WWOX: variants seen among roughly 807,000 people sequenced by gnomAD.
The protein encoded by WWOX is WW domain-containing oxidoreductase.
WWOX carries 69 observed loss-of-function variants against 46.2 expected under a neutral mutation model. The ratio of observed to expected loss-of-function variants is 1.49; its 90% CI spans 1.23 to 1.82. The LOEUF is 1.82. Ranked by LOEUF, WWOX falls within the 40% of genes most tolerant of loss-of-function variation. The pLI is 0.00. For missense variants in WWOX, 919 were observed against 542.6 expected (o/e 1.69, Z -6.89); for synonymous variants, 359 against 202.6 (o/e 1.77, Z -6.56).
chr16:78,784,937 A>T (rs2050418175), intron 8 of WWOX, among the ~76,000 whole-genome samples: 1 of 152,182 alleles, frequency 6.6e-6, no homozygotes. Flanking sequence ...CGAGGAAGCG[A>T]GGTGTCCCTT....
At chr16:78,669,393 T>G (rs1161921923) in intron 8 of WWOX, among the ~76,000 whole-genome samples, 1 of 152,204 alleles carries the variant, frequency 6.6e-6, no homozygotes, top group African/African-American at 2.4e-5. Flanking sequence ...AGGGGCAGCA[T>G]TGCTCCCCAG....
chr16:78,634,612 A>G (rs1015901252), intron 8 of WWOX, among the ~76,000 whole-genome samples: 1 of 151,906 alleles, frequency 6.6e-6, no homozygotes, highest in African/African-American at 2.4e-5. Context: ...AAGTTGAGGC[A>G]GGAGAATCAT....
chr16:79,108,304 C>A (rs1291411169), intron 8 of WWOX, among the ~76,000 whole-genome samples: 2 of 152,348 alleles, frequency 1.3e-5, no homozygotes, highest in African/African-American at 4.8e-5. Flanking sequence ...TTGACACACA[C>A]ATCAGTGTAT....
At chr16:78,842,361 G>T (rs1172066320) in intron 8 of WWOX, among the ~76,000 whole-genome samples, 1 of 151,904 alleles carries the variant, frequency 6.6e-6, no homozygotes, top group African/African-American at 2.4e-5. Flanking sequence ...AAATTAGCTG[G>T]GCTTGGTGGT....
intron 8 of WWOX, among the ~76,000 whole-genome samples, chr16:78,539,691 A>G (rs866571987): frequency 6.6e-6 from 1 of 152,156 alleles, no homozygotes; most frequent in African/African-American, 2.4e-5. Context: ...AAATTTCTGC[A>G]CCTTGCCAGA....
chr16:78,611,917 G>C (rs1051064723), intron 8 of WWOX, among the ~76,000 whole-genome samples: 2 of 152,168 alleles, frequency 1.3e-5, no homozygotes, highest in African/African-American at 4.8e-5. Flanking sequence ...ATGTATACAA[G>C]CCAGAAGCCA....
chr16:78,972,108 C>G (rs1249252961), intron 8 of WWOX, among the ~76,000 whole-genome samples: 3 of 152,198 alleles, frequency 2.0e-5, no homozygotes, highest in Non-Finnish European at 2.9e-5. Context: ...CAGGAAAGAG[C>G]AGGCTGTCGT....
intron 8 of WWOX, among the ~76,000 whole-genome samples, chr16:79,164,651 C>T (rs1022253549): frequency 6.6e-6 from 1 of 152,178 alleles, no homozygotes; most frequent in African/African-American, 2.4e-5. Context: ...AAAGTTCCCA[C>T]TTTATTAAAA....
At chr16:78,205,602 C>T (rs1042862269) in intron 5 of WWOX, among the ~76,000 whole-genome samples, 1 of 151,930 alleles carries the variant, frequency 6.6e-6, no homozygotes, top group East Asian at 1.9e-4. Flanking sequence ...CCCATCCATA[C>T]ACACTTCCAT....
chr16:78,716,752 C>G (rs940634561), intron 8 of WWOX, among the ~76,000 whole-genome samples: 1 of 152,080 alleles, frequency 6.6e-6, no homozygotes, highest in South Asian at 2.1e-4. Flanking sequence ...CGTCTCTATT[C>G]GAATTGCAGG....
chr16:78,925,436 T>C (rs2045476442), intron 8 of WWOX, among the ~76,000 whole-genome samples: 1 of 152,158 alleles, frequency 6.6e-6, no homozygotes, highest in Non-Finnish European at 1.5e-5. Context: ...ATGGAATAAT[T>C]ACCTTCCTTG....
intron 8 of WWOX, among the ~76,000 whole-genome samples, chr16:78,663,768 C>G (rs376296432): frequency 2.0e-5 from 3 of 152,122 alleles, no homozygotes; most frequent in East Asian, 3.9e-4. Flanking sequence ...GACATTTGAA[C>G]TACACCCTGA....
intron 8 of WWOX, among the ~76,000 whole-genome samples, chr16:79,103,317 G>A (rs2049240710): frequency 6.6e-6 from 1 of 152,178 alleles, no homozygotes; most frequent in African/African-American, 2.4e-5. Context: ...TCTCCTCCCA[G>A]CACAGGTATT....
At chr16:78,399,527 G>T (rs565710540) in intron 6 of WWOX, among the ~76,000 whole-genome samples, 22 of 152,276 alleles carry the variant, frequency 1.4e-4, no homozygotes, top group Admixed American at 9.8e-4. Flanking sequence ...TGAACAGGGA[G>T]CGACACCTCT....
At chr16:79,109,098 C>T (rs1023786715) in intron 8 of WWOX, among the ~76,000 whole-genome samples, 2 of 152,146 alleles carry the variant, frequency 1.3e-5, no homozygotes, top group East Asian at 1.9e-4. Context: ...GTTCCTCTCC[C>T]AGGTACTCCA....
chr16:78,356,174 G>C (rs935739393), intron 5 of WWOX, among the ~76,000 whole-genome samples: 1 of 149,386 alleles, frequency 6.7e-6, no homozygotes. Flanking sequence ...GCGACAGAGC[G>C]AGACTCTGTC....
At chr16:78,160,686 C>A (rs1285817540) in intron 4 of WWOX, among the ~76,000 whole-genome samples, 1 of 152,146 alleles carries the variant, frequency 6.6e-6, no homozygotes, top group Non-Finnish European at 1.5e-5. Flanking sequence ...TTTTGAAATT[C>A]ATTGAGACTT....
intron 8 of WWOX, among the ~76,000 whole-genome samples, chr16:78,796,404 A>G (rs1485330735): frequency 1.3e-5 from 2 of 152,240 alleles, no homozygotes; most frequent in Non-Finnish European, 2.9e-5. Context: ...GCCTGGAAGC[A>G]GTGAGGTCAC....
intron 8 of WWOX, among the ~76,000 whole-genome samples, chr16:79,011,459 T>TTTA (rs1555511503): frequency 1.5e-5 from 2 of 131,978 alleles, no homozygotes; most frequent in Non-Finnish European, 1.6e-5. Context: ...TTATTTTTTA[T>TTTA]TTTATTTATT....
Sources: allele counts gnomAD v4.1 joint callset (sites outside exome capture counted in the v4.1 genomes callset), GRCh38; gene constraint gnomAD v4.1.1; transcripts MANE v1.5; gene names NCBI Gene and HGNC (gene_info 2026-07-23, HGNC 2026-07-21).